SASH1: variants seen among roughly 807,000 people sequenced by gnomAD.
The protein encoded by SASH1 is SAM and SH3 domain-containing protein 1.
SASH1 carries 44 observed loss-of-function variants against 125.2 expected under a neutral mutation model. The observed-to-expected ratio is 0.35, with a 90% CI of 0.28 to 0.45. The LOEUF (loss-of-function observed/expected upper bound fraction) is 0.45. SASH1 is among the 20% of genes least tolerant of loss of function. The pLI, the probability that SASH1 is intolerant of heterozygous loss-of-function variation, is 1.00. For synonymous variants in SASH1, 639 were observed against 649.1 expected (o/e 0.98, Z 0.24); for missense variants, 1,426 against 1,614.5 (o/e 0.88, Z 2.00).
intron 1 of SASH1, among the ~76,000 whole-genome samples, chr6:148,356,358 T>G (rs1332104289): frequency 6.6e-6 from 1 of 152,024 alleles, no homozygotes; most frequent in East Asian, 1.9e-4. Context: ...GTGCTGGGAT[T>G]ACAGGCATGA....
chr6:148,514,517 A>C, intron 9 of SASH1, 61 bp downstream of exon 9: 3 of 1,399,726 alleles, frequency 2.1e-6, no homozygotes, highest in Admixed American at 3.2e-5. Flanking sequence ...TTCCAAAAGA[A>C]ATCATTTGGG....
chr6:148,288,662 A>G (rs1398244163), intron 1 of SASH1, among the ~76,000 whole-genome samples: 1 of 143,444 alleles, frequency 7.0e-6, no homozygotes, highest in Non-Finnish European at 1.5e-5. Flanking sequence ...GAGCCATCAC[A>G]GACACACACG....
Position 148,543,905 on chromosome 6 carries a change from G to A in SASH1, c.2435G>A (p.Arg812Lys). 2 of 1,614,216 alleles carry A rather than the reference G, an allele frequency of 1.2e-6. No homozygotes were observed. The highest frequency in any genetic ancestry group is 1.3e-5 in the African/African-American group (1 of 75,058). Residue 812 changes from arginine to lysine, a missense_variant, in exon 18 of 20, where the codon AGA (arginine) becomes AAA (lysine). Arg to Lys is a conservative substitution (Grantham distance 26). Transcript: ENST00000367467. ...GTGACTGGTTTGAATAAAAACCGAA[G>A]AAGCCTCCCAGTTTCCATCTGCCGG... ...PGVTGLNKNR[R>K]SLPVSICRSC...
chr6:148,325,086 A>G (rs902350130), intron 1 of SASH1, among the ~76,000 whole-genome samples: 1 of 152,222 alleles, frequency 6.6e-6, no homozygotes, highest in African/African-American at 2.4e-5. Context: ...TCTGCTATAA[A>G]GAACTACCCT....
the SASH1 span, among the ~76,000 whole-genome samples, chr6:148,232,991 G>T: frequency 6.6e-6 from 1 of 152,008 alleles, no homozygotes; most frequent in Non-Finnish European, 1.5e-5. Flanking sequence ...CAAGGTGGGC[G>T]GATCACCTGA....
At chr6:148,361,963 G>T (rs1485450343) in intron 1 of SASH1, among the ~76,000 whole-genome samples, 1 of 148,078 alleles carries the variant, frequency 6.8e-6, no homozygotes, top group African/African-American at 2.5e-5. Flanking sequence ...GCCCAGGCTG[G>T]AGTGCAGTGG....
At chr6:148,520,973 T>C (rs1780770685) in intron 10 of SASH1, among the ~76,000 whole-genome samples, 1 of 152,226 alleles carries the variant, frequency 6.6e-6, no homozygotes, top group East Asian at 1.9e-4. Context: ...CTTATCTTTA[T>C]AAACAAATCA....
At chr6:148,360,789 C>T (rs535393580) in intron 1 of SASH1, among the ~76,000 whole-genome samples, 2 of 152,278 alleles carry the variant, frequency 1.3e-5, no homozygotes, top group South Asian at 4.2e-4. Context: ...AAGCTCTCTC[C>T]ATACCTTAAC....
intron 1 of SASH1, among the ~76,000 whole-genome samples, chr6:148,306,168 T>TG (rs1174468076): frequency 1.3e-5 from 2 of 152,168 alleles, no homozygotes; most frequent in Admixed American, 6.5e-5. Flanking sequence ...CTTTGGCAGG[T>TG]GGGGGGCACA....
At chr6:148,360,636 A>ACCGC (rs1554242918) in intron 1 of SASH1, among the ~76,000 whole-genome samples, 3 of 127,824 alleles carry the variant, frequency 2.3e-5, no homozygotes, top group East Asian at 2.4e-4. Flanking sequence ...GGCGTGAGCC[A>ACCGC]CCCCCCCGCC....
intron 1 of SASH1, among the ~76,000 whole-genome samples, chr6:148,282,618 G>A (rs1480737177): frequency 6.6e-6 from 1 of 152,036 alleles, no homozygotes. Flanking sequence ...CTGACCTTGT[G>A]ATCCCCCCGC....
At chr6:148,412,695 G>A (rs1486292556) in intron 2 of SASH1, among the ~76,000 whole-genome samples, 2 of 152,170 alleles carry the variant, frequency 1.3e-5, no homozygotes, top group Non-Finnish European at 2.9e-5. Flanking sequence ...CATGGGGAGG[G>A]CAGCAAGTTC....
At chr6:148,358,412 G>A (rs1334029103) in intron 1 of SASH1, among the ~76,000 whole-genome samples, 1 of 152,152 alleles carries the variant, frequency 6.6e-6, no homozygotes, top group African/African-American at 2.4e-5. Flanking sequence ...GGATTGAAGC[G>A]GCTCGGAGTG....
intron 1 of SASH1, among the ~76,000 whole-genome samples, chr6:148,358,733 G>T (rs57272544): frequency 0.22 from 26,622 of 121,530 alleles, 3,392 homozygotes; most frequent in Middle Eastern, 0.32. Flanking sequence ...CCATGTTTTT[G>T]TTTTTTTTTT....
At chr6:148,459,015 CA>C (rs1562428785) in intron 4 of SASH1, among the ~76,000 whole-genome samples, 1 of 151,102 alleles carries the variant, frequency 6.6e-6, no homozygotes, top group East Asian at 1.9e-4. Flanking sequence ...CACACACACA[CA>C]CACACACCCT....
intron 4 of SASH1, among the ~76,000 whole-genome samples, chr6:148,447,877 G>A (rs559644817): frequency 2.0e-3 from 301 of 152,054 alleles, no homozygotes; most frequent in Non-Finnish European, 3.7e-3. Context: ...CTCCCAGGGC[G>A]TGCTGAGCCT....
At chr6:148,500,259 T>C (rs1313407058) in intron 8 of SASH1, among the ~76,000 whole-genome samples, 2 of 151,914 alleles carry the variant, frequency 1.3e-5, no homozygotes, top group Non-Finnish European at 2.9e-5. Context: ...AGTTGAGGGC[T>C]TCATTTTGTG....
At chr6:148,461,461 C>T (rs1312749305) in intron 4 of SASH1, among the ~76,000 whole-genome samples, 2 of 152,118 alleles carry the variant, frequency 1.3e-5, no homozygotes, top group African/African-American at 2.4e-5. Flanking sequence ...CAGATTTTGG[C>T]AATAGAATTG....
the SASH1 span, among the ~76,000 whole-genome samples, chr6:148,242,066 G>C: frequency 6.6e-6 from 1 of 152,182 alleles, no homozygotes; most frequent in Non-Finnish European, 1.5e-5. Context: ...TAGTTTCTTG[G>C]TGCCTTAGTT....
Sources: allele counts gnomAD v4.1 joint callset (sites outside exome capture counted in the v4.1 genomes callset), GRCh38; gene constraint gnomAD v4.1.1; transcripts MANE v1.5; gene names NCBI Gene and HGNC (gene_info 2026-07-23, HGNC 2026-07-21).